Variants in TRERF1 observed in about 807,000 individuals in gnomAD.
TRERF1 encodes the protein transcriptional regulating factor 1.
TRERF1 carries 27 observed loss-of-function variants against 122.9 expected under a neutral mutation model. The observed-to-expected ratio is 0.22, with a 90% confidence interval of 0.16 to 0.30. The LOEUF is 0.30. Among genes scored for constraint, TRERF1 ranks in the 10% least tolerant of loss-of-function variants. The pLI is 1.00. For missense variants in TRERF1, 1,248 were observed against 1,560.3 expected, an observed-to-expected ratio of 0.80 and a Z score of 3.37; for synonymous variants, 636 against 641.7, an observed-to-expected ratio of 0.99 and a Z score of 0.13.
intron 2 of TRERF1, among the ~76,000 whole-genome samples, chr6:42,445,482 T>C (rs917429827): frequency 2.6e-5 from 4 of 152,098 alleles, no homozygotes; most frequent in South Asian, 2.1e-4. Context: ...GTTCTCTCCA[T>C]GCCGATGGCT....
At chr6:42,333,384 G>C (rs1029641334) in intron 3 of TRERF1, among the ~76,000 whole-genome samples, 2 of 152,200 alleles carry the variant, frequency 1.3e-5, no homozygotes, top group Non-Finnish European at 2.9e-5. Flanking sequence ...CTCTTCATGA[G>C]ACATGAGTCG....
intron 3 of TRERF1, among the ~76,000 whole-genome samples, chr6:42,337,977 G>A (rs754066758): frequency 3.9e-5 from 6 of 152,146 alleles, no homozygotes; most frequent in African/African-American, 7.2e-5. Context: ...TTAGGGATGC[G>A]GAGTCTCAGG....
intron 3 of TRERF1, among the ~76,000 whole-genome samples, chr6:42,313,389 A>C (rs190937140): frequency 3.3e-5 from 5 of 152,168 alleles, no homozygotes; most frequent in Non-Finnish European, 7.4e-5. Context: ...TCTTCATATG[A>C]CAAGCAGCCA....
chr6:42,291,216 T>C (rs1352594624), intron 4 of TRERF1, among the ~76,000 whole-genome samples: 1 of 152,220 alleles, frequency 6.6e-6, no homozygotes, highest in Non-Finnish European at 1.5e-5. Flanking sequence ...AACCCTCTGA[T>C]ACTCTGCGGT....
At chr6:42,335,891 C>A (rs1317982809) in intron 3 of TRERF1, among the ~76,000 whole-genome samples, 1 of 152,236 alleles carries the variant, frequency 6.6e-6, no homozygotes, top group Admixed American at 6.5e-5. Context: ...ATAAACACTT[C>A]TCTCCCTGGC....
chr6:42,314,904 T>A (rs556619361), intron 3 of TRERF1, among the ~76,000 whole-genome samples: 2 of 152,220 alleles, frequency 1.3e-5, no homozygotes, highest in East Asian at 3.9e-4. Flanking sequence ...AACAGAAGTA[T>A]AAACTTGATG....
intron 2 of TRERF1, among the ~76,000 whole-genome samples, chr6:42,395,947 C>T (rs890690174): frequency 2.0e-5 from 3 of 152,144 alleles, no homozygotes; most frequent in Non-Finnish European, 4.4e-5. Flanking sequence ...GTTCAACCAA[C>T]ATGTGATTCC....
chr6:42,377,765 T>C (rs563715635), intron 2 of TRERF1, among the ~76,000 whole-genome samples: 13 of 152,286 alleles, frequency 8.5e-5, no homozygotes, highest in Admixed American at 2.0e-4. Context: ...CAGGCCATGA[T>C]AGAAATAACT....
intron 3 of TRERF1, among the ~76,000 whole-genome samples, chr6:42,305,043 C>A (rs549158607): frequency 2.0e-5 from 3 of 152,300 alleles, no homozygotes; most frequent in Non-Finnish European, 2.9e-5. Context: ...TCAGACCAGG[C>A]ACGTTGCTAG....
At position 42,233,615 on chromosome 6, in the gene TRERF1, C is replaced by A. The variant is rs906986075; in HGVS notation, c.3067-723G>T. Among the ~76,000 whole-genome samples the A allele has an allele frequency of 5.3e-5, 8 of 152,148 alleles. No homozygotes were observed. In the South Asian group the frequency reaches 1.5e-3, roughly 28 times the overall value. The stretch of plus-strand genomic sequence containing the variant: ...CTTTTTTAAAGATGATAACTACCTC[C>A]TTCTTTTCCTCCCATTTTTCTTCCT... On this transcript the variant is annotated intron_variant, in intron 16 of 17. Coordinates refer to ENST00000372922, the Ensembl canonical transcript of TRERF1.
intron 2 of TRERF1, among the ~76,000 whole-genome samples, chr6:42,426,080 C>T (rs1035867503): frequency 2.6e-5 from 4 of 152,170 alleles, no homozygotes; most frequent in East Asian, 1.9e-4. Flanking sequence ...AGTTGGCAAG[C>T]GGACATCATC....
At chr6:42,230,695 T>A (rs1448186589) in intron 17 of TRERF1, among the ~76,000 whole-genome samples, 4 of 152,164 alleles carry the variant, frequency 2.6e-5, no homozygotes, top group African/African-American at 4.8e-5. Context: ...GATGTTAAAA[T>A]GACATCATGG....
intron 2 of TRERF1, among the ~76,000 whole-genome samples, chr6:42,440,789 CA>C (rs1786372760): frequency 6.6e-6 from 1 of 152,126 alleles, no homozygotes; most frequent in Non-Finnish European, 1.5e-5. Context: ...ATCCAACAAG[CA>C]GCTTTTAAAA....
intron 13 of TRERF1, among the ~76,000 whole-genome samples, chr6:42,253,382 A>C (rs993251831): frequency 2.6e-5 from 4 of 152,282 alleles, no homozygotes; most frequent in African/African-American, 9.6e-5. Flanking sequence ...TCCCACCATC[A>C]TGCAAAGAAG....
At chr6:42,267,478 A>C (rs979602104) in intron 5 of TRERF1, among the ~76,000 whole-genome samples, 25 of 151,912 alleles carry the variant, frequency 1.6e-4, no homozygotes, top group African/African-American at 5.8e-4. Context: ...AAATACAAAA[A>C]CTTAGCTGGG....
At chr6:42,277,590 C>T (rs1781378724) in intron 4 of TRERF1, among the ~76,000 whole-genome samples, 1 of 152,096 alleles carries the variant, frequency 6.6e-6, no homozygotes, top group Non-Finnish European at 1.5e-5. Flanking sequence ...GTGGCTCATG[C>T]CTCTAATCCC....
In TRERF1 at chr6:42,274,856, A is replaced by C. The variant is rs543761251; in HGVS notation, c.-258-5008T>G. Among the ~76,000 whole-genome samples the C allele has an allele frequency of 1.3e-4, 20 of 152,320 alleles. No individual in the cohort carries two copies. In the South Asian group the frequency reaches 2.3e-3, roughly 17 times the overall value. ...TTCAAAATTCAAAAGGTTAAAATGG[A>C]CATGCAAAACAGCAAAAATTATCCT... On this transcript the variant is annotated intron_variant, in intron 4 of 17. Coordinates refer to ENST00000372922, the Ensembl canonical transcript of TRERF1.
At chr6:42,402,359 C>T (rs1186134390) in intron 2 of TRERF1, among the ~76,000 whole-genome samples, 1 of 152,166 alleles carries the variant, frequency 6.6e-6, no homozygotes, top group Non-Finnish European at 1.5e-5. Flanking sequence ...ACCATAGGTA[C>T]CGCTAATGTA....
intron 17 of TRERF1, among the ~76,000 whole-genome samples, chr6:42,231,804 A>G (rs991026016): frequency 1.3e-5 from 2 of 152,262 alleles, no homozygotes; most frequent in Non-Finnish European, 2.9e-5. Context: ...AGCAGTGGTC[A>G]GAAGCCCAGG....
Sources: gnomAD v4.1 joint callset for allele counts (sites outside exome capture counted in the v4.1 genomes callset) on GRCh38, gnomAD v4.1.1 for gene constraint, MANE v1.5 for transcripts, NCBI Gene and HGNC (gene_info 2026-07-23, HGNC 2026-07-21) for gene names.